Variants in MSX1 observed in about 807,000 individuals in gnomAD.
The protein encoded by MSX1 is msh homeobox 1.
A neutral mutation model predicts 17.0 loss-of-function variants in MSX1; 11 were observed. That is an observed-to-expected ratio of 0.65 (90% confidence interval 0.41 to 1.07). The LOEUF (loss-of-function observed/expected upper bound fraction) is 1.07, where lower values mean the gene tolerates loss of function less well. Ranked by LOEUF, MSX1 falls within the 50% of genes least tolerant of loss-of-function variation. MSX1 has a pLI of 0.00. For synonymous variants in MSX1, 253 were observed against 211.8 expected (o/e 1.19, Z -1.69); for missense variants, 477 against 440.1 (o/e 1.08, Z -0.75).
intron 1 of MSX1, chr4:4,862,352 G>A (rs1737935175): frequency 4.3e-6 from 2 of 463,752 alleles, no homozygotes; most frequent in African/African-American, 2.0e-5. Context: ...GCCCTGGGAG[G>A]AGGCCCGCCA....
Position 4,863,185 on chromosome 4 carries a change from A to C in MSX1, c.*42A>C, listed in dbSNP as rs1228729660. 3 of 1,558,264 alleles carry C rather than the reference A, an allele frequency of 1.9e-6. No individual in the cohort carries two copies. The Admixed American group carries it at 5.5e-5, about 29-fold the overall frequency. Reference sequence around the variant, plus strand: ...CACCTGTGGGCCAGCCGATTCCTCCAGCCCTGGTGCTGTACCCCCGACGTG... The same window carrying C: ...CACCTGTGGGCCAGCCGATTCCTCCCGCCCTGGTGCTGTACCCCCGACGTG... On this transcript the variant is annotated 3_prime_UTR_variant, in exon 2 of 2. Coordinates refer to ENST00000382723, the MANE Select transcript of MSX1 (RefSeq NM_002448.3).
rs1384728029 is a variant in MSX1, at chr4:4,859,935, C to T, written c.36C>T (p.Leu12=). The part of the protein sequence containing the change: ...APAADMTSLP[L]GVKVEDSAFG... ...CTGCTGACATGACTTCTTTGCCACT[C>T]GGTGTCAAAGTGGAGGACTCCGCCT... The change falls in exon 1 of 2, where the codon CTC becomes CTT. Residue 12 remains leucine, a synonymous_variant. Transcript: ENST00000382723. 4.0e-6 allele frequency: 6 copies of T among 1,496,390 alleles called. No homozygotes were observed. The highest frequency in any genetic ancestry group is 4.5e-6 in the Non-Finnish European group (5 of 1,123,536). The allele number at this position is 1,496,390 out of a possible 1,614,324, so 92.7% of individuals were successfully genotyped here. A position where few individuals can be genotyped will look rare whatever the true frequency, so the allele number is the denominator to read the frequency against.
At chr4:4,861,642 G>A (rs182880533) in intron 1 of MSX1, among the ~76,000 whole-genome samples, 1 of 152,322 alleles carries the variant, frequency 6.6e-6, no homozygotes, top group Non-Finnish European at 1.5e-5. Flanking sequence ...TTAGGGCCTT[G>A]GGCCCCAAGA....
chr4:4,861,520 G>C (rs1737915769), intron 1 of MSX1, among the ~76,000 whole-genome samples: 1 of 152,234 alleles, frequency 6.6e-6, no homozygotes, highest in South Asian at 2.1e-4. Context: ...GTTTTTTAGA[G>C]AGGTGTGAAA....
At position 4,862,976 on chromosome 4, in the gene MSX1, G is replaced by A. The variant is rs1210922456; in HGVS notation, c.745G>A (p.Ala249Thr). ...KMAAKPMLPP[A>T]AFGLSFPLGG... ...GGCCGCCAAGCCCATGCTGCCACCG[G>A]CTGCCTTCGGCCTCTCCTTCCCTCT... is the stretch of plus-strand genomic sequence containing the variant. The change falls in exon 2 of 2, where the codon GCT becomes ACT. Residue 249 changes from alanine to threonine, a missense_variant. Physicochemically the swap from Ala to Thr is moderately conservative, Grantham distance 58. This residue lies in a region of MSX1 where 114 missense variants were observed against 106.3 expected (regional missense o/e 1.07). Coordinates refer to ENST00000382723, the MANE Select transcript of MSX1 (RefSeq NM_002448.3). 1 of 1,613,042 alleles carries A rather than the reference G, an allele frequency of 6.2e-7. No individual in the cohort carries two copies. Among genetic ancestry groups the A allele is most frequent in the Non-Finnish European group, 8.5e-7 (1 of 1,179,968 alleles).
At position 4,863,093 on chromosome 4, in the gene MSX1, G is replaced by A. The variant is rs1183331676; in HGVS notation, c.862G>A (p.Val288Met). ...GCGCGCCGCGCTGCCTGTGGCGCCC[G>A]TGGGACTCTACACGGCCCATGTGGG... ...FQRAALPVAP[V>M]GLYTAHVGYS... Residue 288 changes from valine (V) to methionine (M), a missense_variant, in exon 2 of 2, where the codon GTG becomes ATG. Transcript: ENST00000382723. 1.2e-6 allele frequency: 2 copies of A among 1,609,380 alleles called. No individual in the cohort carries two copies. The highest frequency in any genetic ancestry group is 1.7e-6 in the Non-Finnish European group (2 of 1,179,048).
intron 1 of MSX1, 153 bp from the exon 2 acceptor site, chr4:4,862,548 T>C (rs778885561): frequency 6.4e-6 from 6 of 931,380 alleles, no homozygotes; most frequent in East Asian, 4.8e-5. Context: ...TTGGAGAAAA[T>C]ATATTTCAAG....
In MSX1 at chr4:4,863,378, G is replaced by C; in HGVS notation, c.*235G>C. 1.8e-6 allele frequency: 1 copy of C among 544,210 alleles called. No individual in the cohort carries two copies. Among genetic ancestry groups the C allele is most frequent in the Non-Finnish European group, 3.3e-6 (1 of 304,202 alleles). 33.7% of individuals were successfully genotyped at this position (544,210 alleles called of 1,614,324 possible). A position where few individuals can be genotyped will look rare whatever the true frequency, so the allele number is the denominator to read the frequency against. On this transcript the variant is annotated 3_prime_UTR_variant, in exon 2 of 2. Transcript: ENST00000382723. Reference sequence around the variant, plus strand: ...TTTAGATCTACACTCTCGAGTTAAAGATGGGGAAACTGAGGGCAGAGAGGT... The same window carrying C: ...TTTAGATCTACACTCTCGAGTTAAACATGGGGAAACTGAGGGCAGAGAGGT...
In MSX1 at chr4:4,863,030, G is replaced by C; in HGVS notation, c.799G>C (p.Ala267Pro). The change falls in exon 2 of 2, where the codon GCG becomes CCG. Residue 267 changes from alanine (A) to proline (P), a missense_variant. Coordinates refer to ENST00000382723, the MANE Select transcript of MSX1 (RefSeq NM_002448.3). ...LGGPAAVAAA[A>P]GASLYGASGP... ...CGGCCCCGCAGCTGTAGCGGCCGCG[G>C]CGGGTGCCTCGCTCTACGGTGCCTC... is the stretch of plus-strand genomic sequence containing the variant. 7 of 1,610,476 alleles carry C rather than the reference G, an allele frequency of 4.3e-6. No individual in the cohort carries two copies. Among genetic ancestry groups the C allele is most frequent in the Non-Finnish European group, 5.9e-6 (7 of 1,178,966 alleles).
intron 1 of MSX1, among the ~76,000 whole-genome samples, chr4:4,862,139 C>T (rs1235669678): frequency 1.3e-5 from 2 of 152,212 alleles, no homozygotes; most frequent in African/African-American, 2.4e-5. Context: ...CCTAGAATCC[C>T]GTAGGAGCGA....
chr4:4,862,572 G>A lies in MSX1; in HGVS notation c.470-129G>A, dbSNP rs10000804. 0.067 allele frequency: 72,130 copies of A among 1,081,254 alleles called. 3,339 individuals are homozygous for A. Among genetic ancestry groups the A allele is most frequent in the South Asian group, 0.13 (10,684 of 80,092 alleles). The allele number at this position is 1,081,254 out of a possible 1,614,324, so 67.0% of individuals were successfully genotyped here. ...ATATATTTCAAGTGCCTTGCGCGAT[G>A]CCCGGCACCGAGGCACTTGGCGGCA... On this transcript the variant is annotated intron_variant, in intron 1 of 1. Transcript: ENST00000382723.
intron 1 of MSX1, among the ~76,000 whole-genome samples, chr4:4,861,005 T>C (rs1232925635): frequency 6.6e-6 from 1 of 152,258 alleles, no homozygotes; most frequent in Non-Finnish European, 1.5e-5. Flanking sequence ...CGTCTAGGAC[T>C]GAGCCATTAA....
At position 4,863,552 on chromosome 4, in the gene MSX1, C is replaced by CAAAA. The variant is rs33949394; in HGVS notation, c.*442_*445dup. ...ACGATTTTGGAAATGAGAACAATCT[C>CAAAA]AAAAAAAAAAAAAAAAAAAAAAAAA... On this transcript the variant is annotated 3_prime_UTR_variant, in exon 2 of 2. Coordinates refer to ENST00000382723, the MANE Select transcript of MSX1 (RefSeq NM_002448.3). 48 of 42,124 alleles carry CAAAA rather than the reference C, an allele frequency of 1.1e-3. 1 individual carries two copies. The highest frequency in any genetic ancestry group is 4.7e-3 in the East Asian group (4 of 846). The allele number at this position is 42,124 out of a possible 1,614,324, so 2.6% of individuals were successfully genotyped here. A position where few individuals can be genotyped will look rare whatever the true frequency, so the allele number is the denominator to read the frequency against.
chr4:4,863,670 C>CAAAACATT lies in MSX1; in HGVS notation c.*528_*535dup, dbSNP rs1737983630. ...GGAAAATTTAAGACAAGTTCAACAA[C>CAAAACATT]AAAACATTTGCTCTGGGGGGCAGGG... On this transcript the variant is annotated 3_prime_UTR_variant, in exon 2 of 2. Transcript: ENST00000382723. The CAAAACATT allele has an allele frequency of 1.5e-5, 2 of 129,452 alleles. No homozygotes were observed. The highest frequency in any genetic ancestry group is 3.2e-5 in the Non-Finnish European group (2 of 62,486). 8.0% of individuals were successfully genotyped at this position (129,452 alleles called of 1,614,324 possible).
At position 4,859,888 on chromosome 4, in the gene MSX1, G is replaced by T; in HGVS notation, c.-12G>T. ...GGCCAGTGCTGCGGCAGAAGGGGGG[G>T]CCCGGCTCTGCATGGCCCCGGCTGC... On this transcript the variant is annotated 5_prime_UTR_variant, in exon 1 of 2. Transcript: ENST00000382723. 2.0e-6 allele frequency: 3 copies of T among 1,481,110 alleles called. No homozygotes were observed. The highest frequency in any genetic ancestry group is 2.6e-5 in the South Asian group (2 of 76,124). 91.7% of individuals were successfully genotyped at this position (1,481,110 alleles called of 1,614,324 possible).
Position 4,859,678 on chromosome 4 carries a change from G to C in MSX1, c.-222G>C, listed in dbSNP as rs964483864. ...GGGAGCCGCGGTAGGGCCCGGAGCCGGCGAGTGCTCCCGGGAACTCTGCCT... is the reference window on the plus strand; with the variant it reads ...GGGAGCCGCGGTAGGGCCCGGAGCCCGCGAGTGCTCCCGGGAACTCTGCCT... On this transcript the variant is annotated 5_prime_UTR_variant, in exon 1 of 2. Transcript: ENST00000382723. 2.6e-5 allele frequency: 5 copies of C among 191,638 alleles called. No homozygotes were observed. Among genetic ancestry groups the C allele is most frequent in the African/African-American group, 7.1e-5 (3 of 42,308 alleles). 11.9% of individuals were successfully genotyped at this position (191,638 alleles called of 1,614,324 possible).
intron 1 of MSX1, 114 bp from the exon 2 acceptor site, chr4:4,862,587 A>C (rs916663617): frequency 4.0e-6 from 5 of 1,256,252 alleles, no homozygotes; most frequent in Non-Finnish European, 5.8e-6. Flanking sequence ...GCACCGAGGC[A>C]CTTGGCGGCA....
At position 4,863,136 on chromosome 4, in the gene MSX1, T is replaced by C; in HGVS notation, c.905T>C (p.Leu302Pro). The change falls in exon 2 of 2, where the codon CTG becomes CCG. Residue 302 changes from leucine to proline, a missense_variant. Physicochemically the swap from Leu to Pro is moderately conservative, Grantham distance 98. Transcript: ENST00000382723. Reference sequence around the variant, plus strand: ...CATGTGGGCTACAGCATGTACCACCTGACATAGAGGGTCCCAGGTCGCCCA... The same window carrying C: ...CATGTGGGCTACAGCATGTACCACCCGACATAGAGGGTCCCAGGTCGCCCA... The part of the protein sequence containing the change: ...TAHVGYSMYH[L>P]T 1 of 1,604,040 alleles carries C rather than the reference T, an allele frequency of 6.2e-7. No homozygotes were observed. Among genetic ancestry groups the C allele is most frequent in the South Asian group, 1.1e-5 (1 of 90,648 alleles).
Position 4,860,153 on chromosome 4 carries a change from G to A in MSX1, c.254G>A (p.Gly85Asp). 1 of 1,510,268 alleles carries A rather than the reference G, an allele frequency of 6.6e-7. No homozygotes were observed. Among genetic ancestry groups the A allele is most frequent in the Non-Finnish European group, 8.8e-7 (1 of 1,135,736 alleles). The allele number at this position is 1,510,268 out of a possible 1,614,324, so 93.6% of individuals were successfully genotyped here. ...GAGAGCGCCCTGGCGCCCTCCGAGG[G>A]CGTGCAGGCGGCGGGTGGCTCGGCG... ...AKESALAPSEGVQAAGGSAQP... is the reference protein window; with the variant it reads ...AKESALAPSEDVQAAGGSAQP... The change falls in exon 1 of 2, where the codon GGC becomes GAC. Residue 85 changes from glycine to aspartate, a missense_variant. Gly to Asp is a moderately conservative substitution (Grantham distance 94, BLOSUM62 -1). Transcript: ENST00000382723.
Sources: gnomAD v4.1 joint callset for allele counts (sites outside exome capture counted in the v4.1 genomes callset) on GRCh38, gnomAD v4.1.1 for gene constraint, gnomAD v4.1.1 regional missense constraint, MANE v1.5 for transcripts, NCBI Gene and HGNC (gene_info 2026-07-23, HGNC 2026-07-21) for gene names.